AFG1L: variants seen among roughly 807,000 people sequenced by gnomAD.
AFG1L encodes the protein AFG1 like ATPase.
In AFG1L, 53 loss-of-function variants were observed where a neutral mutation model predicts 62.2. That is an observed-to-expected ratio of 0.85 (90% confidence interval 0.68 to 1.07). The LOEUF (loss-of-function observed/expected upper bound fraction) is 1.07, where lower values mean the gene tolerates loss of function less well. Ranked by LOEUF, AFG1L falls within the 50% of genes least tolerant of loss-of-function variation. AFG1L has a pLI of 0.00. For synonymous variants in AFG1L, 228 were observed against 210.3 expected, an observed-to-expected ratio of 1.08 and a Z score of -0.73; for missense variants, 555 against 590.5, an observed-to-expected ratio of 0.94 and a Z score of 0.62.
At chr6:108,301,806 A>G (rs577415223) in intron 1 of AFG1L, among the ~76,000 whole-genome samples, 1 of 152,338 alleles carries the variant, frequency 6.6e-6, no homozygotes, top group African/African-American at 2.4e-5. Flanking sequence ...GCCCAGGATT[A>G]GAATATTGAT....
At chr6:108,325,840 G>C (rs547687719) in intron 2 of AFG1L, among the ~76,000 whole-genome samples, 12 of 151,278 alleles carry the variant, frequency 7.9e-5, no homozygotes, top group Non-Finnish European at 1.6e-4. Flanking sequence ...AAGTGCAGTA[G>C]TGTGATATCT....
chr6:108,372,477 G>A (rs1044419298), intron 6 of AFG1L, among the ~76,000 whole-genome samples: 1 of 151,756 alleles, frequency 6.6e-6, no homozygotes, highest in South Asian at 2.1e-4. Flanking sequence ...TTACAGGCAC[G>A]CACTACCATG....
intron 8 of AFG1L, among the ~76,000 whole-genome samples, chr6:108,465,593 G>GT (rs540735048): frequency 6.4e-4 from 98 of 152,194 alleles, no homozygotes; most frequent in Non-Finnish European, 1.1e-3. Context: ...GTAAGGCAAT[G>GT]TTACTATCTT....
chr6:108,413,486 A>T (rs912703726), intron 7 of AFG1L, among the ~76,000 whole-genome samples: 1 of 152,174 alleles, frequency 6.6e-6, no homozygotes, highest in Non-Finnish European at 1.5e-5. Flanking sequence ...ACCACATCAC[A>T]CTTATTCCAA....
intron 6 of AFG1L, among the ~76,000 whole-genome samples, chr6:108,380,670 T>G (rs997293450): frequency 6.6e-6 from 1 of 152,166 alleles, no homozygotes; most frequent in African/African-American, 2.4e-5. Context: ...CACCAAAGAA[T>G]GGCCGAGATT....
chr6:108,399,003 T>C (rs182497472), intron 6 of AFG1L, among the ~76,000 whole-genome samples: 1 of 152,218 alleles, frequency 6.6e-6, no homozygotes, highest in Non-Finnish European at 1.5e-5. Flanking sequence ...GTGACTTTGG[T>C]GGGGATTGCA....
Position 108,516,336 on chromosome 6 carries a change from G to C in AFG1L, c.1204-3361G>C, listed in dbSNP as rs1774891323. Reference sequence around the variant, plus strand: ...GTGGGCTTCATCCCTGGGATGCAAGGCTGGTTCAACATACACAAATCAATA... The same window carrying C: ...GTGGGCTTCATCCCTGGGATGCAAGCCTGGTTCAACATACACAAATCAATA... On this transcript the variant is annotated intron_variant, in intron 11 of 12. Transcript: ENST00000368977. Among the ~76,000 whole-genome samples the C allele has an allele frequency of 2.6e-5, 4 of 152,306 alleles. No individual in the cohort carries two copies. The South Asian group carries it at 8.3e-4, about 32-fold the overall frequency.
At chr6:108,313,025 T>C (rs567381768) in intron 1 of AFG1L, among the ~76,000 whole-genome samples, 112 of 152,308 alleles carry the variant, frequency 7.4e-4, no homozygotes, top group African/African-American at 2.5e-3. Context: ...GTCCCTGTCT[T>C]GGTCTCCTTT....
chr6:108,399,007 G>T (rs927649322), intron 6 of AFG1L, among the ~76,000 whole-genome samples: 2 of 152,010 alleles, frequency 1.3e-5, no homozygotes, highest in African/African-American at 4.8e-5. Context: ...CTTTGGTGGG[G>T]ATTGCATTGA....
intron 12 of AFG1L, 98 bp downstream of exon 12, chr6:108,519,908 GTTAA>G: frequency 1.5e-6 from 1 of 648,780 alleles, no homozygotes; most frequent in Non-Finnish European, 2.6e-6. Flanking sequence ...GCAGTGTATA[GTTAA>G]CCATTGATTG....
At chr6:108,463,760 TGAGAA>T (rs950244380) in intron 8 of AFG1L, among the ~76,000 whole-genome samples, 3 of 152,202 alleles carry the variant, frequency 2.0e-5, no homozygotes, top group African/African-American at 7.2e-5. Context: ...TTTGAGTGAT[TGAGAA>T]GATAAATACT....
intron 7 of AFG1L, among the ~76,000 whole-genome samples, chr6:108,412,998 AGT>A: frequency 6.6e-6 from 1 of 152,220 alleles, no homozygotes; most frequent in East Asian, 1.9e-4. Context: ...AAGACCCATC[AGT>A]GTGTTGTATT....
At chr6:108,453,905 G>T (rs559993939) in intron 8 of AFG1L, among the ~76,000 whole-genome samples, 43 of 152,250 alleles carry the variant, frequency 2.8e-4, no homozygotes, top group African/African-American at 1.0e-3. Flanking sequence ...GTCATTTCCT[G>T]TTTCAATTCC....
chr6:108,322,410 A>G (rs1017825577), intron 1 of AFG1L, among the ~76,000 whole-genome samples: 1 of 152,162 alleles, frequency 6.6e-6, no homozygotes, highest in Non-Finnish European at 1.5e-5. Context: ...GGGAGCCAGG[A>G]GGATATGCCC....
chr6:108,521,351 T>A (rs928049735), intron 12 of AFG1L: 4 of 151,892 alleles, frequency 2.6e-5, no homozygotes, highest in Non-Finnish European at 4.4e-5. Flanking sequence ...TAAAAAAAAT[T>A]AGCTGGGTGT....
intron 6 of AFG1L, among the ~76,000 whole-genome samples, chr6:108,383,197 C>T (rs901169237): frequency 6.6e-6 from 1 of 152,168 alleles, no homozygotes; most frequent in South Asian, 2.1e-4. Context: ...CAGGCCACTA[C>T]ACTCCAGCCT....
chr6:108,505,105 T>A (rs1333708973), intron 10 of AFG1L, among the ~76,000 whole-genome samples: 1 of 151,292 alleles, frequency 6.6e-6, no homozygotes, highest in African/African-American at 2.4e-5. Context: ...TTTTCTTTTT[T>A]TTTTTTTGAG....
chr6:108,327,398 G>C (rs571512513), intron 2 of AFG1L, among the ~76,000 whole-genome samples: 2 of 152,340 alleles, frequency 1.3e-5, no homozygotes, highest in African/African-American at 4.8e-5. Flanking sequence ...AAACTGGGTA[G>C]CTTATAAACA....
chr6:108,366,328 G>A lies in AFG1L; in HGVS notation c.744G>A (p.Pro248=), dbSNP rs550961035. 101 of 1,606,646 alleles carry A rather than the reference G, an allele frequency of 6.3e-5. No individual in the cohort carries two copies. Among genetic ancestry groups the A allele is most frequent in the Non-Finnish European group, 7.8e-5 (92 of 1,174,238 alleles). Reference sequence around the variant, plus strand: ...TTGTGGCAACATCCAACAGGCCACCGGAAGGTAAAAACAAACATTGTGCTA... The same window carrying A: ...TTGTGGCAACATCCAACAGGCCACCAGAAGGTAAAAACAAACATTGTGCTA... The part of the protein sequence containing the change: ...VVVVATSNRP[P]EDLYKNGLQR... Residue 248 remains proline (P), a synonymous_variant, in exon 6 of 13, where the codon CCG becomes CCA. Transcript: ENST00000368977.
Sources: gnomAD v4.1 joint callset for allele counts (sites outside exome capture counted in the v4.1 genomes callset) on GRCh38, gnomAD v4.1.1 for gene constraint, MANE v1.5 for transcripts, NCBI Gene and HGNC (gene_info 2026-07-23, HGNC 2026-07-21) for gene names.